Variants in USP34 observed in about 807,000 individuals in gnomAD.
USP34 encodes the protein ubiquitin carboxyl-terminal hydrolase 34.
In USP34, 70 loss-of-function variants were observed where a neutral mutation model predicts 460.3. That is an observed-to-expected ratio of 0.15 (90% CI 0.13 to 0.19). The LOEUF (loss-of-function observed/expected upper bound fraction) is 0.19. Among genes scored for constraint, USP34 ranks in the 10% least tolerant of loss-of-function variants. The probability of loss-of-function intolerance (pLI) is 1.00; values close to 1 mark genes in which losing one functional copy is unlikely to be tolerated. For synonymous variants in USP34, 1,647 were observed against 1,405.3 expected (o/e 1.17, Z -3.85); for missense variants, 3,985 against 4,236.2 (o/e 0.94, Z 1.65).
At chr2:61,302,207 T>C (rs1157929677) in intron 27 of USP34, among the ~76,000 whole-genome samples, 1 of 152,200 alleles carries the variant, frequency 6.6e-6, no homozygotes, top group Non-Finnish European at 1.5e-5. Context: ...TTTAAAAATA[T>C]TGCTAAACTT....
At chr2:61,317,879 G>A (rs1044088330) in intron 22 of USP34, 112 bp from the exon 23 acceptor site, 3 of 684,538 alleles carry the variant, frequency 4.4e-6, no homozygotes, top group African/African-American at 3.7e-5. Context: ...AGATCAGTTT[G>A]AATTTTTAGT....
At chr2:61,424,717 G>A (rs370672853) in intron 1 of USP34, among the ~76,000 whole-genome samples, 26 of 151,146 alleles carry the variant, frequency 1.7e-4, no homozygotes, top group African/African-American at 6.3e-4. Flanking sequence ...CTCTATTTAA[G>A]AAAAAAAGAC....
chr2:61,422,793 G>C (rs1056966105), intron 1 of USP34, among the ~76,000 whole-genome samples: 1 of 152,130 alleles, frequency 6.6e-6, no homozygotes, highest in Non-Finnish European at 1.5e-5. Context: ...GAGCTTAGGA[G>C]GTCAAGACCA....
intron 12 of USP34, among the ~76,000 whole-genome samples, chr2:61,349,594 A>G (rs1031226128): frequency 1.3e-5 from 2 of 152,194 alleles, no homozygotes; most frequent in African/African-American, 4.8e-5. Context: ...TAACCCCAGC[A>G]TTTTAGGAGG....
At chr2:61,192,344 A>C (rs1686668525) in intron 76 of USP34, among the ~76,000 whole-genome samples, 1 of 152,226 alleles carries the variant, frequency 6.6e-6, no homozygotes, top group Non-Finnish European at 1.5e-5. Context: ...GTAACTTAAC[A>C]AGCATTATTT....
intron 20 of USP34, 74 bp downstream of exon 20, chr2:61,331,202 A>G (rs555583851): frequency 7.7e-7 from 1 of 1,301,008 alleles, no homozygotes; most frequent in Non-Finnish European, 1.1e-6. Context: ...AAAAAAAGTT[A>G]AAACACTGGA....
chr2:61,302,684 C>G (rs1200223876), intron 27 of USP34, among the ~76,000 whole-genome samples: 3 of 152,158 alleles, frequency 2.0e-5, no homozygotes, highest in Admixed American at 6.5e-5. Flanking sequence ...AGTATCCATT[C>G]TATATCATTT....
At chr2:61,330,811 AATG>A (rs2103729181) in intron 20 of USP34, among the ~76,000 whole-genome samples, 1 of 152,316 alleles carries the variant, frequency 6.6e-6, no homozygotes, top group South Asian at 2.1e-4. Flanking sequence ...AGAAAATATT[AATG>A]ATATACCACC....
rs1690040353 is a variant in USP34 at position 61,296,670 on chromosome 2, T to C, written c.4254+130A>G. The stretch of plus-strand genomic sequence containing the variant: ...AACATTAAAATGCAGTGGCACTTTT[T>C]ACCTACTATATGGGTAAAAACTATA... On this transcript the variant is annotated intron_variant, in intron 30 of 79. Coordinates refer to ENST00000398571, the MANE Select transcript of USP34 (RefSeq NM_014709.4). The C allele has an allele frequency of 1.6e-5, 14 of 899,306 alleles. No individual in the cohort carries two copies. The East Asian group carries it at 3.9e-4, about 25-fold the overall frequency. The allele number at this position is 899,306 out of a possible 1,614,324, so 55.7% of individuals were successfully genotyped here.
intron 25 of USP34, among the ~76,000 whole-genome samples, chr2:61,312,831 T>A (rs527670142): frequency 6.6e-6 from 1 of 152,336 alleles, no homozygotes; most frequent in South Asian, 2.1e-4. Flanking sequence ...TTATCAGAAG[T>A]GTCTCCAGGG....
intron 9 of USP34, 38 bp from the exon 10 acceptor site, chr2:61,370,451 T>C (rs1692584897): frequency 1.2e-6 from 2 of 1,612,734 alleles, no homozygotes; most frequent in Admixed American, 1.7e-5. Context: ...TTTAAAAATA[T>C]TCTTCTCTAT....
intron 41 of USP34, among the ~76,000 whole-genome samples, chr2:61,267,815 AC>A (rs1352760654): frequency 6.6e-6 from 1 of 151,908 alleles, no homozygotes; most frequent in Non-Finnish European, 1.5e-5. Flanking sequence ...ACGGGGTTTC[AC>A]TGTGTTAGCC....
chr2:61,194,871 T>C (rs934963339), intron 75 of USP34, among the ~76,000 whole-genome samples: 5 of 151,264 alleles, frequency 3.3e-5, no homozygotes, highest in African/African-American at 1.2e-4. Flanking sequence ...GAGAATTGCT[T>C]GAACGCGGCA....
Position 61,387,863 on chromosome 2 carries a change from A to T in USP34, c.754-4527T>A, listed in dbSNP as rs575569432. Among the ~76,000 whole-genome samples the T allele has an allele frequency of 4.0e-5, 6 of 149,966 alleles. No individual in the cohort carries two copies. In the East Asian group the frequency reaches 7.8e-4, roughly 19 times the overall value. ...CGTATACACACATGTAAAAATATAT[A>T]TTTTTACGTATACGCATATGTAAAA... On this transcript the variant is annotated intron_variant, in intron 5 of 79. Coordinates refer to ENST00000398571, the MANE Select transcript of USP34 (RefSeq NM_014709.4).
At chr2:61,386,031 G>T (rs536256685) in intron 5 of USP34, among the ~76,000 whole-genome samples, 4 of 151,790 alleles carry the variant, frequency 2.6e-5, no homozygotes, top group Non-Finnish European at 4.4e-5. Context: ...TGACAGGGAG[G>T]TAGTACTTGC....
At chr2:61,338,094 G>A (rs1196914764) in intron 18 of USP34, among the ~76,000 whole-genome samples, 2 of 152,188 alleles carry the variant, frequency 1.3e-5, no homozygotes, top group African/African-American at 4.8e-5. Flanking sequence ...AGCCAAGGCA[G>A]GAGGATCACC....
chr2:61,261,851 T>A (rs1012465152), intron 43 of USP34, among the ~76,000 whole-genome samples: 1 of 151,866 alleles, frequency 6.6e-6, no homozygotes, highest in Non-Finnish European at 1.5e-5. Flanking sequence ...ACATCTGTAA[T>A]CCCAGCACTT....
At chr2:61,247,583 C>T (rs375073163) in intron 49 of USP34, among the ~76,000 whole-genome samples, 2 of 152,120 alleles carry the variant, frequency 1.3e-5, no homozygotes, top group Admixed American at 1.3e-4. Context: ...GGCTGGAATG[C>T]AGTGGCATAA....
At chr2:61,195,772 A>G (rs1686782772) in intron 75 of USP34, among the ~76,000 whole-genome samples, 1 of 152,204 alleles carries the variant, frequency 6.6e-6, no homozygotes, top group African/African-American at 2.4e-5. Context: ...CTTTGCAAAA[A>G]GAGTCTGCTA....
Sources: allele counts gnomAD v4.1 joint callset (sites outside exome capture counted in the v4.1 genomes callset), GRCh38; gene constraint gnomAD v4.1.1; transcripts MANE v1.5; gene names NCBI Gene and HGNC (gene_info 2026-07-23, HGNC 2026-07-21).